ZNF683: variants seen among roughly 807,000 people sequenced by gnomAD.
ZNF683 encodes zinc finger protein 683, also known as tissue-resident T-cell transcription regulator protein ZNF683.
In ZNF683, 20 loss-of-function variants were observed where a neutral mutation model predicts 31.4. That is an observed-to-expected ratio of 0.64 (90% confidence interval 0.45 to 0.93). ZNF683 has a LOEUF of 0.93. Ranked by LOEUF, ZNF683 falls within the 40% of genes least tolerant of loss-of-function variation. ZNF683 has a pLI of 0.00. For missense variants in ZNF683, 621 were observed against 637.2 expected, an observed-to-expected ratio of 0.97 and a Z score of 0.27; for synonymous variants, 264 against 267.6, an observed-to-expected ratio of 0.99 and a Z score of 0.13.
At chr1:26,365,333 C>CCTG (rs2074497452) in intron 3 of ZNF683, 107 bp from the exon 4 acceptor site, 1 of 1,179,738 alleles carries the variant, frequency 8.5e-7, no homozygotes, top group Non-Finnish European at 1.2e-6. Context: ...AGCCTGCGAG[C>CCTG]CTGCTAGCAT....
At position 26,367,769 on chromosome 1, in the gene ZNF683, T is replaced by C. The variant is rs10794532; in HGVS notation, c.143A>G (p.Asp48Gly). The change falls in exon 3 of 6, where the codon GAC (aspartate) becomes GGC (glycine). Residue 48 changes from aspartate to glycine, a missense_variant. Coordinates refer to ENST00000349618, the MANE Select transcript of ZNF683 (RefSeq NM_001114759.3). ...GGATGGGCCATGAGCATCCACCATGTCTGGAAGTGGTCTGCAGGCTGAGAA... is the reference window on the plus strand; with the variant it reads ...GGATGGGCCATGAGCATCCACCATGCCTGGAAGTGGTCTGCAGGCTGAGAA... ...QVFSACRPLP[D>G]MVDAHGPSCA... 0.22 allele frequency: 355,082 copies of C among 1,602,014 alleles called. 44,773 individuals are homozygous for C. Among genetic ancestry groups the C allele is most frequent in the East Asian group, 0.58 (25,607 of 44,380 alleles).
intron 1 of ZNF683, chr1:26,370,892 A>T (rs1383906501): frequency 5.8e-6 from 1 of 171,914 alleles, no homozygotes; most frequent in African/African-American, 2.4e-5. Context: ...GCAACTCTGG[A>T]GGACAACCTG....
At chr1:26,366,554 T>G (rs2124162784) in intron 3 of ZNF683, among the ~76,000 whole-genome samples, 2 of 152,132 alleles carry the variant, frequency 1.3e-5, no homozygotes, top group Middle Eastern at 3.4e-3. Flanking sequence ...AGAGATGAGA[T>G]CACACTTTTA....
At chr1:26,366,775 C>T (rs2124164960) in intron 3 of ZNF683, among the ~76,000 whole-genome samples, 1 of 152,290 alleles carries the variant, frequency 6.6e-6, no homozygotes, top group South Asian at 2.1e-4. Context: ...CCTGCCTCAG[C>T]CTCCTGAGTC....
In ZNF683 at chr1:26,361,695, T is replaced by C. The variant is rs1341244531; in HGVS notation, c.1471A>G (p.Ser491Gly). Reference sequence around the variant, plus strand: ...CCCATCACCAGGGGAGTCCCGGCACTGCTCAGGCTCACTGCTCTTGCTTTC... The same window carrying C: ...CCCATCACCAGGGGAGTCCCGGCACCGCTCAGGCTCACTGCTCTTGCTTTC... ...QGKARAVSLS[S>G]AGTPLVMGQD... The change falls in exon 6 of 6, where the codon AGT becomes GGT. Residue 491 changes from serine (S) to glycine (G), a missense_variant. Coordinates refer to ENST00000349618, the MANE Select transcript of ZNF683 (RefSeq NM_001114759.3). 6.2e-7 allele frequency: 1 copy of C among 1,614,004 alleles called. No individual in the cohort carries two copies. Among genetic ancestry groups the C allele is most frequent in the Admixed American group, 1.7e-5 (1 of 60,034 alleles).
chr1:26,365,325 C>A, intron 3 of ZNF683, 99 bp from the exon 4 acceptor site: 1 of 1,214,000 alleles, frequency 8.2e-7, no homozygotes, highest in South Asian at 1.6e-5. Context: ...AGACCTCCAG[C>A]CTGCGAGCCT....
intron 4 of ZNF683, 61 bp from the exon 5 acceptor site, chr1:26,363,215 C>G: frequency 6.4e-7 from 1 of 1,555,594 alleles, no homozygotes; most frequent in Non-Finnish European, 8.7e-7. Flanking sequence ...GGCCTGAGGT[C>G]CTCTCCAAAT....
At chr1:26,374,072 C>G (rs1261947552), upstream of ZNF683, among the ~76,000 whole-genome samples, 1 of 151,814 alleles carries the variant, frequency 6.6e-6, no homozygotes, top group Non-Finnish European at 1.5e-5. Flanking sequence ...TGTTCCCAGT[C>G]CTTCCCCCAA....
chr1:26,372,149 C>G (rs1020031027), intron 1 of ZNF683, among the ~76,000 whole-genome samples: 3 of 152,158 alleles, frequency 2.0e-5, no homozygotes, highest in Non-Finnish European at 1.5e-5. Flanking sequence ...GCCACGCCAC[C>G]CTGGTGTCCC....
Position 26,372,583 on chromosome 1 carries a change from C to A in ZNF683, c.-15+86G>T, listed in dbSNP as rs944707394. 12 of 1,304,884 alleles carry A rather than the reference C, an allele frequency of 9.2e-6. No homozygotes were observed. The African/African-American group carries it at 1.7e-4, about 18-fold the overall frequency. 80.8% of individuals were successfully genotyped at this position (1,304,884 alleles called of 1,614,324 possible). A position where few individuals can be genotyped will look rare whatever the true frequency, so the allele number is the denominator to read the frequency against. On this transcript the variant is annotated intron_variant, in intron 1 of 5. Coordinates refer to ENST00000349618, the MANE Select transcript of ZNF683 (RefSeq NM_001114759.3). ...TGCCCTCTCCTGGCATCACACTCTG[C>A]TCCCAACTCTCAGAACACCTTGCAC...
rs978913593 is a variant in ZNF683, at chr1:26,365,123, A to G, written c.423T>C (p.Ala141=). Residue 141 remains alanine, a synonymous_variant, in exon 4 of 6, where the codon GCT becomes GCC. Coordinates refer to ENST00000349618, the MANE Select transcript of ZNF683 (RefSeq NM_001114759.3). The part of the protein sequence containing the change: ...KDKLGKQPER[A]GEGAPCPAFS... ...AGGCTGGGCAGGGGGCCCCCTCGCC[A>G]GCTCTTTCTGGCTGTTTTCCCAGCT... 6.2e-6 allele frequency: 10 copies of G among 1,608,302 alleles called. No homozygotes were observed. In the African/African-American group the frequency reaches 1.3e-4, roughly 21 times the overall value.
intron 4 of ZNF683, 148 bp from the exon 5 acceptor site, chr1:26,363,302 G>C: frequency 1.8e-6 from 2 of 1,104,144 alleles, no homozygotes; most frequent in Non-Finnish European, 1.3e-6. Context: ...TCTTTCTGCT[G>C]CCCTGTAGGG....
rs1314819314 is a variant in ZNF683, at chr1:26,364,744, G to T, written c.802C>A (p.Pro268Thr). ...GAFQASGQAL[P>T]SQARNPGAGA... is the part of the protein sequence containing the mutation. Reference sequence around the variant, plus strand: ...GCACCTGGATTTCGGGCCTGGGAAGGCAGAGCTTGGCCAGAGGCTTGGAAG... The same window carrying T: ...GCACCTGGATTTCGGGCCTGGGAAGTCAGAGCTTGGCCAGAGGCTTGGAAG... The change falls in exon 4 of 6, where the codon CCT becomes ACT. Residue 268 changes from proline to threonine, a missense_variant. Coordinates refer to ENST00000349618, the MANE Select transcript of ZNF683 (RefSeq NM_001114759.3). 6.2e-7 allele frequency: 1 copy of T among 1,613,628 alleles called. No homozygotes were observed. The highest frequency in any genetic ancestry group is 2.2e-5 in the East Asian group (1 of 44,888).
At chr1:26,362,230 C>T (rs2074405088) in intron 5 of ZNF683, 15 of 1,539,762 alleles carry the variant, frequency 9.7e-6, no homozygotes, top group Non-Finnish European at 1.3e-5. Context: ...CCATGTGTGA[C>T]CTTGTAAAAG....
intron 4 of ZNF683, among the ~76,000 whole-genome samples, chr1:26,363,610 A>G (rs2074439900): frequency 6.6e-6 from 1 of 152,064 alleles, no homozygotes; most frequent in Admixed American, 6.5e-5. Context: ...TGCACAAAAA[A>G]TTTGAAAGTT....
chr1:26,369,916 C>G (rs2074629414), intron 1 of ZNF683, among the ~76,000 whole-genome samples: 1 of 151,986 alleles, frequency 6.6e-6, no homozygotes, highest in Non-Finnish European at 1.5e-5. Flanking sequence ...ATTGCTTGAG[C>G]CTGGAAGGTT....
intron 5 of ZNF683, among the ~76,000 whole-genome samples, chr1:26,362,427 C>T (rs2074409090): frequency 6.6e-6 from 1 of 152,136 alleles, no homozygotes; most frequent in South Asian, 2.1e-4. Flanking sequence ...TTCATCTAGT[C>T]TTCCCCAGGA....
rs377480326 is a variant in ZNF683, at chr1:26,363,144, C to T, written c.1025G>A (p.Arg342His). The T allele has an allele frequency of 3.2e-5, 52 of 1,608,192 alleles. No individual in the cohort carries two copies. Among genetic ancestry groups the T allele is most frequent in the African/African-American group, 2.0e-4 (15 of 74,804 alleles). Reference sequence around the variant, plus strand: ...GAATGGACGCTCTCCACTGTGCACACGCAGGTGGACCTGAGTCAGATGCGG... The same window carrying T: ...GAATGGACGCTCTCCACTGTGCACATGCAGGTGGACCTGAGTCAGATGCGG... ...GQLSNLKVHL[R>H]VHSGERPFQC... Residue 342 changes from arginine to histidine, a missense_variant, in exon 5 of 6, where the codon CGT becomes CAT. Transcript: ENST00000349618.
At chr1:26,364,139 CA>C (rs1417385318) in intron 4 of ZNF683, among the ~76,000 whole-genome samples, 1 of 152,128 alleles carries the variant, frequency 6.6e-6, no homozygotes, top group African/African-American at 2.4e-5. Context: ...TCTGACTGCC[CA>C]AAAAAATAAA....
Sources: gnomAD v4.1 joint callset for allele counts (sites outside exome capture counted in the v4.1 genomes callset) on GRCh38, gnomAD v4.1.1 for gene constraint, MANE v1.5 for transcripts, NCBI Gene and HGNC (gene_info 2026-07-23, HGNC 2026-07-21) for gene names.